The following AUTS2 variants were observed in gnomAD, a reference collection of about 807,000 sequenced individuals.
AUTS2 encodes the protein autism susceptibility gene 2 protein.
AUTS2 carries 17 observed loss-of-function variants against 112.4 expected under a neutral mutation model. That is an observed-to-expected ratio of 0.15 (90% CI 0.10 to 0.23). AUTS2 has a LOEUF of 0.23. Ranked by LOEUF, AUTS2 falls within the 10% of genes least tolerant of loss-of-function variation. The pLI is 1.00. For missense variants in AUTS2, 1,510 were observed against 1,701.6 expected (o/e 0.89, Z 1.98); for synonymous variants, 751 against 702.7 (o/e 1.07, Z -1.09).
rs148875486 is a variant in AUTS2, at chr7:70,727,343, G to A, written c.742+28723G>A. 9.5e-4 allele frequency among the ~76,000 whole-genome samples: 145 copies of A among 152,234 alleles called. 1 individual carries two copies. Among genetic ancestry groups the A allele is most frequent in the African/African-American group, 3.3e-3 (139 of 41,558 alleles). ...AGCCCCAAATGCCTGTTTGCCACAG[G>A]GCTGGGTTTTTTTTGTTTGTTTTGA... On this transcript the variant is annotated intron_variant, in intron 6 of 18. Coordinates refer to ENST00000342771, the MANE Select transcript of AUTS2 (RefSeq NM_015570.4).
chr7:70,604,137 A>T (rs1408472181), intron 5 of AUTS2, among the ~76,000 whole-genome samples: 1 of 152,202 alleles, frequency 6.6e-6, no homozygotes, highest in Non-Finnish European at 1.5e-5. Context: ...TTCTTAGGAC[A>T]ATTTTATTCT....
At chr7:70,438,412 C>T (rs1423969089) in intron 5 of AUTS2, among the ~76,000 whole-genome samples, 2 of 152,110 alleles carry the variant, frequency 1.3e-5, no homozygotes, top group African/African-American at 4.8e-5. Flanking sequence ...CCTGCACCCC[C>T]AGCCATTCTT....
At chr7:70,305,573 C>T (rs1257948142) in intron 4 of AUTS2, among the ~76,000 whole-genome samples, 1 of 150,058 alleles carries the variant, frequency 6.7e-6, no homozygotes, top group Non-Finnish European at 1.5e-5. Flanking sequence ...ATTTCTGTAA[C>T]TCATGACAAG....
At chr7:70,325,050 A>T (rs1410845033) in intron 4 of AUTS2, among the ~76,000 whole-genome samples, 1 of 152,164 alleles carries the variant, frequency 6.6e-6, no homozygotes, top group East Asian at 1.9e-4. Context: ...CCCTTCTCTC[A>T]TTACTGCATT....
chr7:70,140,126 T>A (rs576171204), intron 4 of AUTS2, among the ~76,000 whole-genome samples: 4 of 152,232 alleles, frequency 2.6e-5, no homozygotes, highest in Non-Finnish European at 4.4e-5. Context: ...GGTTGTCTTA[T>A]ATATAATACC....
chr7:69,620,093 T>C (rs1448009352), intron 1 of AUTS2, among the ~76,000 whole-genome samples: 1 of 152,228 alleles, frequency 6.6e-6, no homozygotes, highest in African/African-American at 2.4e-5. Flanking sequence ...GGTTGGATTT[T>C]ATTAGCAGCT....
rs538031884 is a variant in AUTS2 at position 69,856,852 on chromosome 7, T to C, written c.310-42434T>C. On this transcript the variant is annotated intron_variant, in intron 1 of 18. Transcript: ENST00000342771. ...TGGGATCTCTTACAGGTTCCCTCCA[T>C]GCTTGTTGCCCTTGACTGATGGTAT... 2.6e-5 allele frequency among the ~76,000 whole-genome samples: 4 copies of C among 152,290 alleles called. No individual in the cohort carries two copies. In the South Asian group the frequency reaches 8.3e-4, roughly 32 times the overall value.
At chr7:70,717,774 C>T (rs1810461057) in intron 6 of AUTS2, among the ~76,000 whole-genome samples, 1 of 152,116 alleles carries the variant, frequency 6.6e-6, no homozygotes. Flanking sequence ...GCGGTGCTGC[C>T]TTTTTTGGCA....
At position 70,260,950 on chromosome 7, in the gene AUTS2, T is replaced by C. The variant is rs138385302; in HGVS notation, c.660+126379T>C. Among the ~76,000 whole-genome samples the C allele has an allele frequency of 2.2e-3, 340 of 152,208 alleles. 1 individual carries two copies. The highest frequency in any genetic ancestry group is 7.8e-3 in the African/African-American group (325 of 41,520). The stretch of plus-strand genomic sequence containing the variant: ...TTTTTAGTAGAGACAGGTTTCACCA[T>C]GTTGGCCAGGATGGTCTCGATCCCC... On this transcript the variant is annotated intron_variant, in intron 4 of 18. Coordinates refer to ENST00000342771, the MANE Select transcript of AUTS2 (RefSeq NM_015570.4).
In AUTS2 at chr7:70,694,738, C is replaced by T. The variant is rs1238577575; in HGVS notation, c.691-3831C>T. The T allele has an allele frequency of 1.4e-5, 2 of 148,072 alleles. No homozygotes were observed. Among genetic ancestry groups the T allele is most frequent in the Non-Finnish European group, 3.0e-5 (2 of 66,176 alleles). 9.2% of individuals were successfully genotyped at this position (148,072 alleles called of 1,614,324 possible). On this transcript the variant is annotated intron_variant, in intron 5 of 18. Transcript: ENST00000342771. This position sits in a 1 kb window ranked among gnomAD's most constrained non-coding sequence, Gnocchi z 4.1. ...GTGGCGAGCGCGGGCCGGGCGATCT[C>T]GGCGGGCGCGCTCCTCCCGCCGCCC...
chr7:70,636,610 T>C (rs1384245813), intron 5 of AUTS2, among the ~76,000 whole-genome samples: 1 of 151,920 alleles, frequency 6.6e-6, no homozygotes, highest in Non-Finnish European at 1.5e-5. Context: ...TCCGTGGATT[T>C]TGTGAGGATT....
intron 1 of AUTS2, among the ~76,000 whole-genome samples, chr7:69,630,432 CAG>C (rs1794175323): frequency 6.6e-6 from 1 of 152,184 alleles, no homozygotes; most frequent in Non-Finnish European, 1.5e-5. Context: ...TTCTCACAGG[CAG>C]CCGTGCTAAC....
At chr7:69,637,780 A>G (rs1314404527) in intron 1 of AUTS2, among the ~76,000 whole-genome samples, 6 of 152,176 alleles carry the variant, frequency 3.9e-5, no homozygotes, top group African/African-American at 1.4e-4. Context: ...AGCAAGATGA[A>G]CTGTGGCATC....
chr7:70,653,524 G>A (rs1290591664), intron 5 of AUTS2, among the ~76,000 whole-genome samples: 1 of 152,146 alleles, frequency 6.6e-6, no homozygotes, highest in Admixed American at 6.5e-5. Context: ...ACTTCTTGAA[G>A]CTCTTTTTGA....
intron 5 of AUTS2, among the ~76,000 whole-genome samples, chr7:70,588,425 G>T (rs1802782336): frequency 6.6e-6 from 1 of 152,226 alleles, no homozygotes; most frequent in Non-Finnish European, 1.5e-5. Flanking sequence ...CGACGGGGAA[G>T]AGAGAGGGGC....
chr7:70,219,127 G>A (rs1811334034), intron 4 of AUTS2, among the ~76,000 whole-genome samples: 1 of 152,082 alleles, frequency 6.6e-6, no homozygotes. Flanking sequence ...TCTCCTTCTG[G>A]AGAGAGACAT....
At chr7:70,265,948 T>G (rs1186080486) in intron 4 of AUTS2, among the ~76,000 whole-genome samples, 1 of 152,234 alleles carries the variant, frequency 6.6e-6, no homozygotes, top group Non-Finnish European at 1.5e-5. Flanking sequence ...TTGTGAAAAT[T>G]ATGCAGTTTG....
chr7:70,621,989 G>A (rs528602789), intron 5 of AUTS2, among the ~76,000 whole-genome samples: 1 of 151,794 alleles, frequency 6.6e-6, no homozygotes, highest in Non-Finnish European at 1.5e-5. Flanking sequence ...TGGGACTACA[G>A]GTGTGCGTCA....
chr7:70,024,233 A>C (rs1800411629), intron 2 of AUTS2, among the ~76,000 whole-genome samples: 1 of 152,276 alleles, frequency 6.6e-6, no homozygotes, highest in African/African-American at 2.4e-5. Flanking sequence ...CTTAAAATGC[A>C]GTCCTAATTA....
Sources: gnomAD v4.1 joint callset for allele counts (sites outside exome capture counted in the v4.1 genomes callset) on GRCh38, gnomAD v4.1.1 for gene constraint, Gnocchi (gnomAD v3.1) non-coding constraint, MANE v1.5 for transcripts, NCBI Gene and HGNC (gene_info 2026-07-23, HGNC 2026-07-21) for gene names.